USP9X: variants seen among roughly 807,000 people sequenced by gnomAD.
USP9X encodes ubiquitin carboxyl-terminal hydrolase 9X.
In USP9X, 7 loss-of-function variants were observed where a neutral mutation model predicts 190.3. That is an observed-to-expected ratio of 0.04 (90% CI 0.02 to 0.07). The LOEUF (loss-of-function observed/expected upper bound fraction) is 0.07. USP9X is among the 10% of genes least tolerant of loss of function. The pLI, the probability that USP9X is intolerant of heterozygous loss-of-function variation, is 1.00. For synonymous variants in USP9X, 645 were observed against 659.5 expected (o/e 0.98, Z 0.34); for missense variants, 1,010 against 1,916.9 (o/e 0.53, Z 8.83).
chrX:41,127,903 A>G (rs1228804412), intron 2 of USP9X, among the ~76,000 whole-genome samples: 2 of 112,652 alleles, frequency 1.8e-5, no homozygotes, highest in African/African-American at 6.4e-5. Context: ...ATGAATAAAA[A>G]TCAGTTTAAA....
intron 33 of USP9X, among the ~76,000 whole-genome samples, chrX:41,212,095 C>G (rs1359653094): frequency 9.1e-6 from 1 of 109,490 alleles, no homozygotes; most frequent in African/African-American, 3.5e-5. Flanking sequence ...ACATGGGAGA[C>G]TTTTCATTTT....
chrX:41,170,331 CTG>C (rs2062714571), intron 19 of USP9X, 96 bp downstream of exon 19: 1 of 1,083,148 alleles, frequency 9.2e-7, no homozygotes, highest in Non-Finnish European at 1.2e-6. Context: ...ATGTTTGGGA[CTG>C]TGTTAGGTGT....
intron 2 of USP9X, among the ~76,000 whole-genome samples, chrX:41,126,541 A>G (rs1320878809): frequency 9.0e-6 from 1 of 111,286 alleles, no homozygotes; most frequent in Admixed American, 9.6e-5. Context: ...ATTTAACCTT[A>G]CTCTTATTTT....
chrX:41,170,399 A>C, intron 19 of USP9X, 71 bp from the exon 20 acceptor site: 1 of 1,144,370 alleles, frequency 8.7e-7, no homozygotes, highest in South Asian at 2.0e-5. Context: ...TGGTTGGTAT[A>C]TCACTAAGTT....
intron 24 of USP9X, 35 bp downstream of exon 24, chrX:41,186,677 C>G (rs2062878568): frequency 8.3e-7 from 1 of 1,200,134 alleles, no homozygotes; most frequent in Non-Finnish European, 1.1e-6. Context: ...ACAATTTTAA[C>G]TTTCCTAGGC....
chrX:41,111,923 G>A (rs1391766268), intron 1 of USP9X, among the ~76,000 whole-genome samples: 15 of 106,555 alleles, frequency 1.4e-4, no homozygotes, highest in East Asian at 5.8e-4. Flanking sequence ...TTGGCTCACT[G>A]CAACCTCCAC....
intron 28 of USP9X, 33 bp from the exon 29 acceptor site, chrX:41,197,331 T>TGGGGGGGGGGGGGGGGGGGG: frequency 6.2e-6 from 3 of 486,760 alleles, no homozygotes; most frequent in East Asian, 5.9e-5. Flanking sequence ...TTTGATTTCT[T>TGGGGGGGGGGGGGGGGGGGG]CCCCCCCCCA....
At chrX:41,230,336 G>GTTTTTTTTTTTTTTTTTTTTTT (rs11348635) in intron 43 of USP9X, among the ~76,000 whole-genome samples, 165 bp from the exon 44 acceptor site, 1 of 95,846 alleles carries the variant, frequency 1.0e-5, no homozygotes, top group Non-Finnish European at 2.1e-5. Flanking sequence ...TTTTTGTTTT[G>GTTTTTTTTTTTTTTTTTTTTTT]TTTTTTTTTT....
In USP9X at chrX:41,200,941, T is replaced by A. The variant is rs1009816898; in HGVS notation, c.4604-119T>A. On this transcript the variant is annotated intron_variant, in intron 30 of 44. Transcript: ENST00000378308. ...AACTCAGAACACTGCTTCAGGTTGC[T>A]GTAGGGTTAGTCGAATTATGGGTGG... The A allele has an allele frequency of 5.7e-6, 4 of 702,628 alleles. No homozygotes were observed. The African/African-American group carries it at 8.5e-5, about 15-fold the overall frequency. 57.9% of individuals were successfully genotyped at this position (702,628 alleles called of 1,213,427 possible).
intron 4 of USP9X, among the ~76,000 whole-genome samples, chrX:41,133,438 A>G (rs1043890795): frequency 1.3e-4 from 14 of 111,872 alleles, no homozygotes; most frequent in African/African-American, 4.5e-4. Flanking sequence ...AATGCGTAAT[A>G]ATCACATCAG....
intron 1 of USP9X, among the ~76,000 whole-genome samples, chrX:41,116,207 T>G (rs1284687311): frequency 8.9e-6 from 1 of 112,558 alleles, no homozygotes; most frequent in Non-Finnish European, 1.9e-5. Context: ...TGCTTCTGTT[T>G]GTGTAATAAT....
chrX:41,225,885 G>T (rs2063308145), intron 41 of USP9X, among the ~76,000 whole-genome samples: 1 of 112,461 alleles, frequency 8.9e-6, no homozygotes, highest in Non-Finnish European at 1.9e-5. Flanking sequence ...ATATACTTGG[G>T]TCATTTTAAA....
At chrX:41,185,715 A>G (rs770486081) in intron 23 of USP9X, among the ~76,000 whole-genome samples, 1 of 110,200 alleles carries the variant, frequency 9.1e-6, no homozygotes, top group East Asian at 2.8e-4. Flanking sequence ...TAGGATAAAA[A>G]CAGATTTTTG....
chrX:41,209,432 G>A (rs1299237524), intron 32 of USP9X, among the ~76,000 whole-genome samples: 1 of 110,932 alleles, frequency 9.0e-6, no homozygotes, highest in Non-Finnish European at 1.9e-5. Flanking sequence ...GAGGGGGTGG[G>A]GGCAATAAAA....
rs777071724 is a variant in USP9X at position 41,216,201 on chromosome X, G to A, written c.5634G>A (p.Gly1878=). 9.9e-6 allele frequency: 12 copies of A among 1,211,506 alleles called. No homozygotes were observed. Among genetic ancestry groups the A allele is most frequent in the Non-Finnish European group, 2.2e-6 (2 of 895,458 alleles). ...TACACAGTGGTCAAGCGAGTGGGGG[G>A]CATTATTATTCTTACATCATCCAAA... ...VLVHSGQASG[G]HYYSYIIQRN... The change falls in exon 35 of 45, where the codon GGG becomes GGA. Residue 1878 remains glycine (G), a synonymous_variant. Transcript: ENST00000378308.
rs2063395369 is a variant in USP9X, at chrX:41,235,833, A to G, written c.*3309A>G. On this transcript the variant is annotated 3_prime_UTR_variant, in exon 45 of 45. Coordinates refer to ENST00000378308, the MANE Select transcript of USP9X (RefSeq NM_001039591.3). ...CATGATTAACTTAGTGAATAACTTA[A>G]ATCCTTAATCCTCGTAGTGGTTAGA... 1 of 112,134 alleles carries G rather than the reference A, an allele frequency of 8.9e-6. No homozygotes were observed. The highest frequency in any genetic ancestry group is 9.5e-5 in the Admixed American group (1 of 10,496). 9.2% of individuals were successfully genotyped at this position (112,134 alleles called of 1,213,427 possible).
Position 41,216,541 on chromosome X carries a change from C to T in USP9X, c.5974C>T (p.Arg1992Trp), listed in dbSNP as rs2063213023. 5 of 1,210,967 alleles carry T rather than the reference C, an allele frequency of 4.1e-6. No homozygotes were observed. The highest frequency in any genetic ancestry group is 1.8e-5 in the South Asian group (1 of 56,936). ...IMPSAIERSV[R>W]KQNVQFMHNR... The stretch of plus-strand genomic sequence containing the variant: ...GCCATCAGCCATTGAGAGAAGTGTA[C>T]GGAAACAGAACGTACAATTCATGCA... The change falls in exon 35 of 45, where the codon CGG becomes TGG. Residue 1992 changes from arginine (R) to tryptophan (W), a missense_variant. This residue lies in a region of USP9X where 121 missense variants were observed against 281.2 expected (regional missense o/e 0.43). Coordinates refer to ENST00000378308, the MANE Select transcript of USP9X (RefSeq NM_001039591.3).
intron 21 of USP9X, among the ~76,000 whole-genome samples, chrX:41,182,756 A>G (rs2062838550): frequency 9.0e-6 from 1 of 110,957 alleles, no homozygotes; most frequent in African/African-American, 3.3e-5. Context: ...TGAATATTCA[A>G]TGACACGAGA....
intron 36 of USP9X, 114 bp from the exon 37 acceptor site, chrX:41,218,258 C>G (rs1320372563): frequency 1.4e-6 from 1 of 707,322 alleles, no homozygotes; most frequent in Non-Finnish European, 2.1e-6. Flanking sequence ...CTGGTTCTCT[C>G]CAGCAGTAGA....
Sources: allele counts gnomAD v4.1 joint callset (sites outside exome capture counted in the v4.1 genomes callset), GRCh38; gene constraint gnomAD v4.1.1; regional missense constraint gnomAD v4.1.1; transcripts MANE v1.5; gene names NCBI Gene and HGNC (gene_info 2026-07-23, HGNC 2026-07-21).